Variants in SS18 observed in about 807,000 individuals in gnomAD.
SS18 encodes SS18 subunit of BAF chromatin remodeling complex.
Under a neutral mutation model 72.5 loss-of-function variants are expected in SS18, and 28 were observed. The observed-to-expected ratio is 0.39, with a 90% CI of 0.29 to 0.53. The LOEUF (loss-of-function observed/expected upper bound fraction) is 0.53, where lower values mean the gene tolerates loss of function less well. Among genes scored for constraint, SS18 ranks in the 20% least tolerant of loss-of-function variants. The pLI is 0.76. For missense variants in SS18, 518 were observed against 535.3 expected (o/e 0.97, Z 0.32); for synonymous variants, 172 against 164.2 (o/e 1.05, Z -0.37).
chr18:26,039,249 C>T, intron 6 of SS18, 40 bp downstream of exon 6: 1 of 1,371,528 alleles, frequency 7.3e-7, no homozygotes. Flanking sequence ...TAAAGCCTTT[C>T]AATTACATTA....
At chr18:26,049,626 C>T (rs533096692) in intron 5 of SS18, among the ~76,000 whole-genome samples, 2 of 152,302 alleles carry the variant, frequency 1.3e-5, no homozygotes, top group South Asian at 4.1e-4. Context: ...AACCTCCTGC[C>T]TCCACCTCCA....
In SS18 at chr18:26,057,994, T is replaced by C. The variant is rs533533814; in HGVS notation, c.232-252A>G. On this transcript the variant is annotated intron_variant, in intron 3 of 10. Transcript: ENST00000415083. ...TATACAAAAAATTCTCATTTATTTA[T>C]ATATTAAGCATTTCTAATGTGTCTA... Among the ~76,000 whole-genome samples the C allele has an allele frequency of 2.6e-5, 4 of 152,358 alleles. No individual in the cohort carries two copies. In the South Asian group the frequency reaches 8.3e-4, roughly 32 times the overall value.
intron 10 of SS18, among the ~76,000 whole-genome samples, chr18:26,024,251 A>C (rs1784226953): frequency 6.6e-6 from 1 of 152,174 alleles, no homozygotes; most frequent in South Asian, 2.1e-4. Flanking sequence ...GTTAAAGGGG[A>C]ATGAGGAGTG....
In SS18 at chr18:26,052,862, T is replaced by C. The variant is rs766694625; in HGVS notation, c.386-17A>G. ...GGTTAGGCCCTTTGAAGAAAAATGA[T>C]CAGAAGCAAAATATGAAAGTTAAAC... On this transcript the variant is annotated splice_polypyrimidine_tract_variant and intron_variant, in intron 4 of 10. Coordinates refer to ENST00000415083, the MANE Select transcript of SS18 (RefSeq NM_001007559.3). 7 of 1,604,444 alleles carry C rather than the reference T, an allele frequency of 4.4e-6. No homozygotes were observed. The highest frequency in any genetic ancestry group is 6.0e-6 in the Non-Finnish European group (7 of 1,171,952).
At chr18:26,036,155 T>G (rs554858508) in intron 7 of SS18, among the ~76,000 whole-genome samples, 1 of 151,890 alleles carries the variant, frequency 6.6e-6, no homozygotes, top group South Asian at 2.1e-4. Context: ...TTACACTTAT[T>G]GTCTTAAATC....
chr18:26,030,022 C>T (rs2053517627), intron 10 of SS18, among the ~76,000 whole-genome samples: 1 of 152,106 alleles, frequency 6.6e-6, no homozygotes, highest in Non-Finnish European at 1.5e-5. Context: ...TTCCTGAGAA[C>T]TTTAGAGAGT....
At chr18:26,026,412 T>A (rs1001387121) in intron 10 of SS18, among the ~76,000 whole-genome samples, 2 of 152,096 alleles carry the variant, frequency 1.3e-5, no homozygotes, top group Non-Finnish European at 2.9e-5. Flanking sequence ...ATTCCCTCAA[T>A]AGATAAGGAA....
chr18:26,031,891 T>C (rs1054366477), intron 10 of SS18, among the ~76,000 whole-genome samples: 2 of 152,046 alleles, frequency 1.3e-5, no homozygotes, highest in African/African-American at 4.8e-5. Context: ...TCAACACAGA[T>C]GGACTCCACA....
At chr18:26,078,375 A>G in intron 2 of SS18, 1 of 395,348 alleles carries the variant, frequency 2.5e-6, no homozygotes, top group South Asian at 5.0e-5. Flanking sequence ...AAATAGTGTT[A>G]TAATTTTTTA....
chr18:26,083,568 T>G (rs2054566921), intron 2 of SS18, among the ~76,000 whole-genome samples: 1 of 152,156 alleles, frequency 6.6e-6, no homozygotes, highest in Non-Finnish European at 1.5e-5. Flanking sequence ...CTGAAAAGCC[T>G]TTTACTATAC....
At chr18:26,090,769 G>A, upstream of SS18, 1 of 612,854 alleles carries the variant, frequency 1.6e-6, no homozygotes, top group Admixed American at 2.9e-5. Flanking sequence ...CACTCTGGGG[G>A]ACCCCTAGCC....
At chr18:26,037,721 C>A (rs573474597) in intron 7 of SS18, among the ~76,000 whole-genome samples, 30 of 152,168 alleles carry the variant, frequency 2.0e-4, no homozygotes, top group African/African-American at 6.7e-4. Context: ...GGATCATATA[C>A]ATGAATAAGG....
chr18:26,016,819 G>A lies in SS18; in HGVS notation c.*1535C>T, dbSNP rs2053259230. ...ACTCTCTCTCTCATACACACACAGA[G>A]ACCCACTGAAATTCCTCCTTTTGAT... On this transcript the variant is annotated 3_prime_UTR_variant, in exon 11 of 11. Coordinates refer to ENST00000415083, the MANE Select transcript of SS18 (RefSeq NM_001007559.3). The A allele has an allele frequency of 4.3e-6, 1 of 231,908 alleles. No homozygotes were observed. The highest frequency in any genetic ancestry group is 8.5e-6 in the Non-Finnish European group (1 of 117,042). 14.4% of individuals were successfully genotyped at this position (231,908 alleles called of 1,614,324 possible). A position where few individuals can be genotyped will look rare whatever the true frequency, so the allele number is the denominator to read the frequency against.
At chr18:26,068,777 G>A (rs1396688093) in intron 3 of SS18, among the ~76,000 whole-genome samples, 2 of 152,126 alleles carry the variant, frequency 1.3e-5, no homozygotes, top group South Asian at 2.1e-4. Flanking sequence ...TATATAAAAT[G>A]TAAGACTACA....
intron 10 of SS18, 138 bp from the exon 11 acceptor site, chr18:26,018,518 C>T (rs2053288337): frequency 1.7e-6 from 1 of 572,752 alleles, no homozygotes; most frequent in South Asian, 2.4e-5. Flanking sequence ...TTTTTTATAT[C>T]GTTAGGTATA....
chr18:26,039,168 CAAAAAA>C (rs34318951), intron 6 of SS18, 115 bp downstream of exon 6: 3,424 of 250,478 alleles, frequency 0.014, 1 homozygote, highest in East Asian at 0.027. Flanking sequence ...TACCTTTTGT[CAAAAAA>C]AAAAAAAAAA....
chr18:26,032,277 C>T, intron 10 of SS18, 122 bp downstream of exon 10: 2 of 1,141,206 alleles, frequency 1.8e-6, no homozygotes, highest in African/African-American at 1.6e-5. Context: ...AACAAATGTA[C>T]CATAAACATT....
At position 26,035,728 on chromosome 18, in the gene SS18, T is replaced by C; in HGVS notation, c.973+103A>G. On this transcript the variant is annotated intron_variant, in intron 8 of 10. Transcript: ENST00000415083. This position sits in a 1 kb window ranked among gnomAD's most constrained non-coding sequence, Gnocchi z 4.4. Reference sequence around the variant, plus strand: ...AACTTTCAAGAAAGCCAGCAACTAGTATTCTACAAGAGCTTTGCATGGGTA... The same window carrying C: ...AACTTTCAAGAAAGCCAGCAACTAGCATTCTACAAGAGCTTTGCATGGGTA... 1 of 633,368 alleles carries C rather than the reference T, an allele frequency of 1.6e-6. No individual in the cohort carries two copies. Among genetic ancestry groups the C allele is most frequent in the South Asian group, 3.8e-5 (1 of 26,208 alleles). 39.2% of individuals were successfully genotyped at this position (633,368 alleles called of 1,614,324 possible).
intron 5 of SS18, among the ~76,000 whole-genome samples, chr18:26,050,730 CCT>C (rs1336028670): frequency 6.6e-6 from 1 of 151,522 alleles, no homozygotes; most frequent in Non-Finnish European, 1.5e-5. Flanking sequence ...CCGGTGAAAC[CCT>C]GTCTCTACTA....
Sources: allele counts gnomAD v4.1 joint callset (sites outside exome capture counted in the v4.1 genomes callset), GRCh38; gene constraint gnomAD v4.1.1; non-coding constraint Gnocchi (gnomAD v3.1); transcripts MANE v1.5; gene names NCBI Gene and HGNC (gene_info 2026-07-23, HGNC 2026-07-21).